Variants in HIVEP3 observed in about 807,000 individuals in gnomAD.
The protein encoded by HIVEP3 is HIVEP zinc finger 3, also known as transcription factor HIVEP3.
HIVEP3 carries 49 observed loss-of-function variants against 152.8 expected under a neutral mutation model. That is an observed-to-expected ratio of 0.32 (90% CI 0.26 to 0.41). The LOEUF (loss-of-function observed/expected upper bound fraction) is 0.41, where lower values mean the gene tolerates loss of function less well. Ranked by LOEUF, HIVEP3 falls within the 10% of genes least tolerant of loss-of-function variation. The pLI, the probability that HIVEP3 is intolerant of heterozygous loss-of-function variation, is 1.00. For synonymous variants in HIVEP3, 1,269 were observed against 1,289.0 expected (o/e 0.98, Z 0.33); for missense variants, 2,790 against 3,103.3 (o/e 0.90, Z 2.40).
At chr1:41,993,785 T>C (rs1645377952) in intron 1 of HIVEP3, among the ~76,000 whole-genome samples, 1 of 151,024 alleles carries the variant, frequency 6.6e-6, no homozygotes. Context: ...ATTAAGAAAA[T>C]GTGGCACATA....
chr1:41,674,123 T>C (rs1250117015), intron 2 of HIVEP3, among the ~76,000 whole-genome samples: 2 of 152,212 alleles, frequency 1.3e-5, no homozygotes, highest in African/African-American at 2.4e-5. Flanking sequence ...GTCAGGAGAA[T>C]TGAATGTCAC....
At chr1:41,845,157 C>A (rs905186905) in intron 1 of HIVEP3, among the ~76,000 whole-genome samples, 2 of 152,106 alleles carry the variant, frequency 1.3e-5, no homozygotes, top group African/African-American at 4.8e-5. Flanking sequence ...ATCTCTTGCA[C>A]CCTACTTAAG....
At chr1:41,784,774 C>T (rs1422689757) in intron 1 of HIVEP3, among the ~76,000 whole-genome samples, 1 of 152,222 alleles carries the variant, frequency 6.6e-6, no homozygotes, top group Non-Finnish European at 1.5e-5. Flanking sequence ...ACAACCACAT[C>T]TCCGTTTACA....
chr1:41,802,526 T>C (rs940077631), intron 1 of HIVEP3, among the ~76,000 whole-genome samples: 1 of 152,168 alleles, frequency 6.6e-6, no homozygotes, highest in African/African-American at 2.4e-5. Flanking sequence ...CCAAGCTTTT[T>C]TCTTTTTTTG....
chr1:41,780,991 C>A (rs1649008147), intron 1 of HIVEP3, among the ~76,000 whole-genome samples: 2 of 152,122 alleles, frequency 1.3e-5, no homozygotes, highest in South Asian at 4.1e-4. Flanking sequence ...GTTCTTGTTC[C>A]CCCATTGTTC....
intron 1 of HIVEP3, among the ~76,000 whole-genome samples, chr1:41,791,953 T>C (rs1192313909): frequency 6.6e-6 from 1 of 151,962 alleles, no homozygotes; most frequent in African/African-American, 2.4e-5. Context: ...TGGGAACACC[T>C]GCTCAGCCTT....
intron 1 of HIVEP3, among the ~76,000 whole-genome samples, chr1:41,769,949 C>T (rs563537128): frequency 4.1e-4 from 63 of 152,184 alleles, no homozygotes; most frequent in African/African-American, 1.4e-3. Context: ...CTGATAAATG[C>T]TAAAATTGTT....
chr1:41,985,787 G>A (rs1645318965), intron 1 of HIVEP3, among the ~76,000 whole-genome samples: 1 of 152,170 alleles, frequency 6.6e-6, no homozygotes, highest in African/African-American at 2.4e-5. Flanking sequence ...AAGGAGAGTG[G>A]CTCAAAGGAG....
At position 41,584,030 on chromosome 1, in the gene HIVEP3, G is replaced by A. The variant is rs150528269; in HGVS notation, c.768C>T (p.Gly256=). Residue 256 remains glycine, a synonymous_variant, in exon 4 of 9, where the codon GGC becomes GGT. Transcript: ENST00000372583. This position sits in a 1 kb window ranked among gnomAD's most constrained non-coding sequence, Gnocchi z 5.2. ...IKAGLASGMG[G]EMYPHGLEME... is the part of the protein sequence containing the mutation. ...TCTCCAGCCCATGTGGGTACATCTC[G>A]CCACCCATGCCTGAGGCCAGGCCTG... 30 of 1,613,980 alleles carry A rather than the reference G, an allele frequency of 1.9e-5. No homozygotes were observed. The highest frequency in any genetic ancestry group is 6.7e-5 in the Admixed American group (4 of 60,008).
chr1:41,628,617 G>T, intron 3 of HIVEP3, 132 bp downstream of exon 3: 1 of 712,258 alleles, frequency 1.4e-6, no homozygotes, highest in South Asian at 7.4e-5. Flanking sequence ...TTTCACAGAG[G>T]CACCAGAAAG....
intron 1 of HIVEP3, among the ~76,000 whole-genome samples, chr1:41,908,121 C>A (rs1644743239): frequency 6.6e-6 from 1 of 151,944 alleles, no homozygotes; most frequent in Admixed American, 6.6e-5. Context: ...TGGTTCTGGG[C>A]ATCTAGTAAG....
chr1:41,538,313 A>T (rs187287458), intron 5 of HIVEP3, among the ~76,000 whole-genome samples: 36 of 152,216 alleles, frequency 2.4e-4, no homozygotes, highest in African/African-American at 8.7e-4. Flanking sequence ...AGGCGAGGGC[A>T]AGAGGAAAGA....
intron 5 of HIVEP3, among the ~76,000 whole-genome samples, chr1:41,552,240 A>C (rs1643901550): frequency 6.6e-6 from 1 of 151,846 alleles, no homozygotes; most frequent in Non-Finnish European, 1.5e-5. Flanking sequence ...ACTATACTTT[A>C]AGTTTTAGGG....
chr1:41,939,626 T>C (rs780882576), intron 1 of HIVEP3, among the ~76,000 whole-genome samples: 25 of 152,220 alleles, frequency 1.6e-4, no homozygotes, highest in Non-Finnish European at 2.6e-4. Context: ...ATGGTTTCCA[T>C]TAGGGCTTAC....
chr1:41,869,561 T>C (rs1045832711), intron 1 of HIVEP3: 4 of 152,156 alleles, frequency 2.6e-5, no homozygotes, highest in Non-Finnish European at 4.4e-5. Flanking sequence ...AACTCAAAGG[T>C]TTCCATGTTT....
intron 3 of HIVEP3, among the ~76,000 whole-genome samples, chr1:41,613,362 T>C (rs1050411757): frequency 4.6e-5 from 7 of 152,244 alleles, no homozygotes; most frequent in African/African-American, 1.7e-4. Flanking sequence ...CATTTTATAT[T>C]GTATTCCCTC....
chr1:41,515,311 A>T (rs1642571602), intron 7 of HIVEP3, among the ~76,000 whole-genome samples: 1 of 152,230 alleles, frequency 6.6e-6, no homozygotes, highest in South Asian at 2.1e-4. Context: ...AGTGGACAAA[A>T]GTGGGCATTC....
intron 1 of HIVEP3, among the ~76,000 whole-genome samples, chr1:41,868,537 T>C (rs1644023557): frequency 6.6e-6 from 1 of 152,226 alleles, no homozygotes; most frequent in Non-Finnish European, 1.5e-5. Context: ...TTTTTGTTTA[T>C]ATTCAACCCT....
At chr1:41,572,875 A>T (rs575637321) in intron 5 of HIVEP3, among the ~76,000 whole-genome samples, 1 of 152,376 alleles carries the variant, frequency 6.6e-6, no homozygotes, top group Admixed American at 6.5e-5. Context: ...GATGTATGTT[A>T]AACCAATTTG....
Sources: gnomAD v4.1 joint callset for allele counts (sites outside exome capture counted in the v4.1 genomes callset) on GRCh38, gnomAD v4.1.1 for gene constraint, Gnocchi (gnomAD v3.1) non-coding constraint, MANE v1.5 for transcripts, NCBI Gene and HGNC (gene_info 2026-07-23, HGNC 2026-07-21) for gene names.